The following ADH5 variants were observed in gnomAD, a reference collection of about 807,000 sequenced individuals.
ADH5 encodes alcohol dehydrogenase class-3.
Under a neutral mutation model 40.3 loss-of-function variants are expected in ADH5, and 32 were observed. That is an observed-to-expected ratio of 0.79 (90% CI 0.60 to 1.07). The LOEUF is 1.07. Ranked by LOEUF, ADH5 falls within the 50% of genes least tolerant of loss-of-function variation. ADH5 has a pLI of 0.00. For synonymous variants in ADH5, 125 were observed against 154.3 expected (o/e 0.81, Z 1.41); for missense variants, 353 against 460.5 (o/e 0.77, Z 2.14).
At chr4:99,087,552 C>A (rs1411942138) in intron 1 of ADH5, among the ~76,000 whole-genome samples, 1 of 152,154 alleles carries the variant, frequency 6.6e-6, no homozygotes, top group Non-Finnish European at 1.5e-5. Flanking sequence ...TAAATTTCAA[C>A]TCCACAAGTC....
At chr4:99,084,938 T>A (rs1280548593) in intron 2 of ADH5, among the ~76,000 whole-genome samples, 177 bp downstream of exon 2, 1 of 152,216 alleles carries the variant, frequency 6.6e-6, no homozygotes, top group Non-Finnish European at 1.5e-5. Context: ...TGGAGAAGCA[T>A]GCTGCAAAGG....
Position 99,088,722 on chromosome 4 carries a change from CG to C in ADH5, c.-23del, listed in dbSNP as rs753167271. The C allele has an allele frequency of 7.1e-7, 1 of 1,400,942 alleles. No homozygotes were observed. The highest frequency in any genetic ancestry group is 9.5e-7 in the Non-Finnish European group (1 of 1,052,346). 86.8% of individuals were successfully genotyped at this position (1,400,942 alleles called of 1,614,324 possible). On this transcript the variant is annotated 5_prime_UTR_variant, in exon 1 of 9. The change abolishes the stop of an existing upstream ORF in the 5' untranslated region. Coordinates refer to ENST00000296412, the MANE Select transcript of ADH5 (RefSeq NM_000671.4). ...CCATGTTCACGGATTCTGGTCGGCG[CG>C]GGGGGCTGACATCCGGGGTGGGCCG...
chr4:99,082,130 A>G lies in ADH5; in HGVS notation c.115-14T>C. ...AGTGGCAATGATCTATCAGGACATT[A>G]AAACAACGAATGTGTAAGTATGTGT... On this transcript the variant is annotated splice_polypyrimidine_tract_variant and intron_variant, in intron 2 of 8. Transcript: ENST00000296412. The G allele has an allele frequency of 6.2e-7, 1 of 1,612,744 alleles. No individual in the cohort carries two copies. The highest frequency in any genetic ancestry group is 8.5e-7 in the Non-Finnish European group (1 of 1,179,094).
rs769514706 is a variant in ADH5, at chr4:99,072,396, A to G, written c.*21T>C. On this transcript the variant is annotated 3_prime_UTR_variant, in exon 9 of 9. Transcript: ENST00000296412. ...CTCCTATCACATCACGACAGGATGG[A>G]CATTATTTTTCTCTTTTGAATTAAA... 1 of 1,611,706 alleles carries G rather than the reference A, an allele frequency of 6.2e-7. No homozygotes were observed. The highest frequency in any genetic ancestry group is 8.5e-7 in the Non-Finnish European group (1 of 1,178,776).
At chr4:99,088,098 G>A (rs1329322746) in intron 1 of ADH5, among the ~76,000 whole-genome samples, 2 of 152,134 alleles carry the variant, frequency 1.3e-5, no homozygotes, top group Admixed American at 1.3e-4. Flanking sequence ...TTGGTAAGAT[G>A]GGGATAACAC....
At chr4:99,082,287 T>C (rs1053399410) in intron 2 of ADH5, among the ~76,000 whole-genome samples, 171 bp from the exon 3 acceptor site, 1 of 152,252 alleles carries the variant, frequency 6.6e-6, no homozygotes, top group Non-Finnish European at 1.5e-5. Context: ...CCATGGCATC[T>C]TAACAATTAG....
At chr4:99,081,260 T>C in intron 4 of ADH5, 105 bp downstream of exon 4, 5 of 790,824 alleles carry the variant, frequency 6.3e-6, no homozygotes, top group Non-Finnish European at 8.4e-6. Context: ...ACTGGGTTAA[T>C]GAACCTAAAT....
At chr4:99,077,778 A>G (rs1208398807) in intron 4 of ADH5, among the ~76,000 whole-genome samples, 1 of 152,234 alleles carries the variant, frequency 6.6e-6, no homozygotes, top group African/African-American at 2.4e-5. Flanking sequence ...AAGGCCACTG[A>G]TATAATAAAT....
Position 99,072,399 on chromosome 4 carries a change from T to C in ADH5, c.*18A>G, listed in dbSNP as rs775262208. The C allele has an allele frequency of 2.5e-6, 4 of 1,612,186 alleles. No individual in the cohort carries two copies. Among genetic ancestry groups the C allele is most frequent in the Non-Finnish European group, 3.4e-6 (4 of 1,179,152 alleles). ...CTATCACATCACGACAGGATGGACA[T>C]TATTTTTCTCTTTTGAATTAAATCT... On this transcript the variant is annotated 3_prime_UTR_variant, in exon 9 of 9. Transcript: ENST00000296412.
intron 3 of ADH5, 88 bp downstream of exon 3, chr4:99,081,887 T>C (rs1386427012): frequency 7.3e-7 from 1 of 1,372,692 alleles, no homozygotes; most frequent in Non-Finnish European, 1.0e-6. Flanking sequence ...TACCTATTCA[T>C]AAATAGTGGG....
At chr4:99,076,152 T>C (rs935052879) in intron 6 of ADH5, 140 bp downstream of exon 6, 5 of 787,136 alleles carry the variant, frequency 6.4e-6, no homozygotes, top group African/African-American at 1.8e-5. Context: ...GTAGTTCAAA[T>C]AGATATTTTC....
intron 1 of ADH5, among the ~76,000 whole-genome samples, chr4:99,088,444 AC>A (rs1228262860): frequency 1.7e-5 from 1 of 58,382 alleles, no homozygotes; most frequent in African/African-American, 6.6e-5. Flanking sequence ...CGGCTCTCCC[AC>A]CCCCCCACCC....
chr4:99,076,630 A>G (rs576616769), intron 5 of ADH5, 74 bp downstream of exon 5: 5 of 1,593,534 alleles, frequency 3.1e-6, no homozygotes, highest in South Asian at 1.1e-5. Flanking sequence ...AGATTGGCCA[A>G]TTTCACTATT....
chr4:99,073,334 A>T (rs563496678), intron 7 of ADH5, among the ~76,000 whole-genome samples: 1 of 152,206 alleles, frequency 6.6e-6, no homozygotes, highest in East Asian at 1.9e-4. Context: ...GCCTGCCACC[A>T]CGCCCAGCTA....
intron 4 of ADH5, among the ~76,000 whole-genome samples, chr4:99,077,623 C>T (rs1727954079): frequency 6.6e-6 from 1 of 152,160 alleles, no homozygotes; most frequent in South Asian, 2.1e-4. Flanking sequence ...AACAGATAGC[C>T]AAACTGGCTA....
chr4:99,087,121 C>T (rs1253122660), intron 1 of ADH5, among the ~76,000 whole-genome samples: 1 of 149,666 alleles, frequency 6.7e-6, no homozygotes, highest in Non-Finnish European at 1.5e-5. Context: ...CAGGGGCTCA[C>T]GCCTGTAATC....
At chr4:99,083,460 C>T (rs1016890082) in intron 2 of ADH5, among the ~76,000 whole-genome samples, 3 of 151,548 alleles carry the variant, frequency 2.0e-5, no homozygotes, top group East Asian at 1.9e-4. Flanking sequence ...ACTAGCCAGG[C>T]GTGGTGGCGC....
intron 6 of ADH5, chr4:99,075,730 G>T (rs1727912201): frequency 6.5e-6 from 1 of 153,008 alleles, no homozygotes; most frequent in South Asian, 2.1e-4. Context: ...TTTTATCTGA[G>T]ATGCTTGGGA....
At chr4:99,080,332 C>T (rs1262711331) in intron 4 of ADH5, 1 of 204,820 alleles carries the variant, frequency 4.9e-6, no homozygotes. Flanking sequence ...TATGACAAAC[C>T]ATTCTGGGGT....
Sources: gnomAD v4.1 joint callset for allele counts (sites outside exome capture counted in the v4.1 genomes callset) on GRCh38, gnomAD v4.1.1 for gene constraint, MANE v1.5 for transcripts, NCBI Gene and HGNC (gene_info 2026-07-23, HGNC 2026-07-21) for gene names.